GLB1: variants seen among roughly 807,000 people sequenced by gnomAD.
GLB1 encodes the protein galactosidase beta 1.
In GLB1, 56 loss-of-function variants were observed where a neutral mutation model predicts 74.0. The ratio of observed to expected loss-of-function variants is 0.76; its 90% CI spans 0.61 to 0.94. The LOEUF is 0.94. Ranked by LOEUF, GLB1 falls within the 40% of genes least tolerant of loss-of-function variation. The pLI, the probability that GLB1 is intolerant of heterozygous loss-of-function variation, is 0.00. For synonymous variants in GLB1, 323 were observed against 323.6 expected (o/e 1.00, Z 0.02); for missense variants, 787 against 845.5 (o/e 0.93, Z 0.86).
At chr3:33,077,874 C>T (rs559880851) in intron 1 of GLB1, among the ~76,000 whole-genome samples, 1 of 151,648 alleles carries the variant, frequency 6.6e-6, no homozygotes, top group African/African-American at 2.4e-5. Context: ...AAAATCCTTG[C>T]ATACTTTATT....
chr3:33,002,366 A>G (rs55884438), intron 15 of GLB1, among the ~76,000 whole-genome samples: 1 of 73,880 alleles, frequency 1.4e-5, no homozygotes, highest in Non-Finnish European at 2.6e-5. Context: ...CCTTCCTTCC[A>G]TCCTTCCTTC....
chr3:33,014,788 G>A (rs887322633), intron 14 of GLB1, among the ~76,000 whole-genome samples: 1 of 152,150 alleles, frequency 6.6e-6, no homozygotes, highest in Admixed American at 6.6e-5. Flanking sequence ...CCAACATGAT[G>A]AAACCCCATC....
intron 1 of GLB1, chr3:33,092,703 G>C (rs1331382513): frequency 6.9e-7 from 1 of 1,455,668 alleles, no homozygotes; most frequent in African/African-American, 1.4e-5. Flanking sequence ...GTTTGAGTCA[G>C]GCTTGTGACC....
At chr3:33,055,780 T>C (rs1173657697) in intron 6 of GLB1, among the ~76,000 whole-genome samples, 1 of 151,300 alleles carries the variant, frequency 6.6e-6, no homozygotes, top group Admixed American at 6.6e-5. Context: ...TTTTTTTTTT[T>C]AAAAGGCAAA....
chr3:33,066,604 A>G (rs1367783592), intron 4 of GLB1, among the ~76,000 whole-genome samples: 4 of 152,228 alleles, frequency 2.6e-5, no homozygotes, highest in African/African-American at 9.6e-5. Flanking sequence ...GACTAAGACC[A>G]TCCTTGCCAC....
In GLB1 at chr3:33,022,145, C is replaced by T. The variant is rs148159284; in HGVS notation, c.1144-490G>A. On this transcript the variant is annotated intron_variant, in intron 11 of 15. Transcript: ENST00000307363. ...ACTTGTGTGTGGCATATCTTCCATG[C>T]CTGTATCACTTTTCAGTTGCTCATC... Among the ~76,000 whole-genome samples the T allele has an allele frequency of 6.4e-4, 97 of 152,264 alleles. 1 individual carries two copies. Among genetic ancestry groups the T allele is most frequent in the African/African-American group, 1.8e-3 (76 of 41,548 alleles).
chr3:33,035,663 G>A (rs1028585467), intron 10 of GLB1, among the ~76,000 whole-genome samples: 2 of 152,098 alleles, frequency 1.3e-5, no homozygotes, highest in African/African-American at 4.8e-5. Flanking sequence ...ATGTGGAAGA[G>A]GACCCTCGCC....
downstream of GLB1, among the ~76,000 whole-genome samples, chr3:32,994,219 A>G (rs962754508): frequency 2.6e-5 from 4 of 152,232 alleles, no homozygotes; most frequent in Non-Finnish European, 5.9e-5. Context: ...TGGTACATCC[A>G]TACAATGGAA....
At chr3:32,980,138 G>C in the GLB1 span, among the ~76,000 whole-genome samples, 2 of 152,110 alleles carry the variant, frequency 1.3e-5, no homozygotes, top group African/African-American at 4.8e-5. Flanking sequence ...TCAACCTACT[G>C]TGCAATAAGG....
intron 1 of GLB1, among the ~76,000 whole-genome samples, chr3:33,082,658 G>T (rs1219546177): frequency 6.6e-6 from 1 of 152,184 alleles, no homozygotes; most frequent in African/African-American, 2.4e-5. Context: ...TGCGATTAAT[G>T]TTCTAATCTT....
At chr3:33,023,869 T>C (rs1424876107) in intron 11 of GLB1, among the ~76,000 whole-genome samples, 1 of 152,206 alleles carries the variant, frequency 6.6e-6, no homozygotes, top group Non-Finnish European at 1.5e-5. Context: ...GCCTGTGATT[T>C]TGGGGAACTC....
At chr3:32,983,012 C>T in the GLB1 span, among the ~76,000 whole-genome samples, 1 of 152,054 alleles carries the variant, frequency 6.6e-6, no homozygotes, top group Non-Finnish European at 1.5e-5. Flanking sequence ...GTAGACTATC[C>T]TCTGGCTGCT....
At chr3:33,072,063 C>T (rs1699906761) in intron 2 of GLB1, among the ~76,000 whole-genome samples, 1 of 152,194 alleles carries the variant, frequency 6.6e-6, no homozygotes, top group Non-Finnish European at 1.5e-5. Context: ...TGCTTTTCTC[C>T]TGTTAACCTA....
rs531667309 is a variant in GLB1 at position 33,018,749 on chromosome 3, A to G, written c.1234-188T>C. On this transcript the variant is annotated intron_variant, in intron 12 of 15. Transcript: ENST00000307363. ...ATTTTTAGGTCATCGAATATCTATC[A>G]TAATAGTAAACTGCAAGGAACCATG... is the stretch of plus-strand genomic sequence containing the variant. 2.6e-5 allele frequency among the ~76,000 whole-genome samples: 4 copies of G among 152,336 alleles called. No homozygotes were observed. The South Asian group carries it at 8.3e-4, about 32-fold the overall frequency.
chr3:32,976,293 T>A, the GLB1 span, among the ~76,000 whole-genome samples: 1 of 152,218 alleles, frequency 6.6e-6, no homozygotes, highest in Admixed American at 6.5e-5. Context: ...TCAGAAGACT[T>A]ACTGGAGCTA....
the GLB1 span, among the ~76,000 whole-genome samples, chr3:32,969,024 C>A: frequency 6.6e-6 from 1 of 152,200 alleles, no homozygotes; most frequent in African/African-American, 2.4e-5. Context: ...TCCCAGGAGG[C>A]CCCCTTCATT....
At chr3:33,001,083 C>T (rs1017463801) in intron 15 of GLB1, among the ~76,000 whole-genome samples, 3 of 151,540 alleles carry the variant, frequency 2.0e-5, no homozygotes, top group Non-Finnish European at 4.4e-5. Flanking sequence ...CGCACTCCCC[C>T]TTGCTCACTC....
intron 1 of GLB1, among the ~76,000 whole-genome samples, chr3:33,074,540 C>T (rs920860851): frequency 6.6e-6 from 1 of 150,840 alleles, no homozygotes; most frequent in Non-Finnish European, 1.5e-5. Flanking sequence ...TTAAGAAACA[C>T]TGTTTTGGGG....
chr3:33,084,662 C>T (rs550114745), intron 1 of GLB1, among the ~76,000 whole-genome samples: 1 of 152,226 alleles, frequency 6.6e-6, no homozygotes, highest in African/African-American at 2.4e-5. Context: ...TGGACATACA[C>T]AGATTTAAAT....
Sources: gnomAD v4.1 joint callset for allele counts (sites outside exome capture counted in the v4.1 genomes callset) on GRCh38, gnomAD v4.1.1 for gene constraint, MANE v1.5 for transcripts, NCBI Gene and HGNC (gene_info 2026-07-23, HGNC 2026-07-21) for gene names.